FAM209B: variants seen among roughly 807,000 people sequenced by gnomAD.
The protein encoded by FAM209B is family with sequence similarity 209 member B.
A neutral mutation model predicts 8.9 loss-of-function variants in FAM209B; 8 were observed. That is an observed-to-expected ratio of 0.90 (90% confidence interval 0.53 to 1.62). The LOEUF (loss-of-function observed/expected upper bound fraction) is 1.62, where lower values mean the gene tolerates loss of function less well. Among genes scored for constraint, FAM209B ranks in the 40% most tolerant of loss-of-function variants. The pLI, the probability that FAM209B is intolerant of heterozygous loss-of-function variation, is 0.00. For synonymous variants in FAM209B, 67 were observed against 75.0 expected (o/e 0.89, Z 0.55); for missense variants, 175 against 205.3 (o/e 0.85, Z 0.90).
intron 1 of FAM209B, among the ~76,000 whole-genome samples, chr20:56,534,440 C>G (rs143805851): frequency 6.7e-6 from 1 of 150,142 alleles, no homozygotes; most frequent in Non-Finnish European, 1.5e-5. Flanking sequence ...CATGGTGAAA[C>G]CTCGTCTTTA....
rs766839785 is a variant in FAM209B, at chr20:56,533,598, T to A, written c.249+8T>A. 4 of 1,612,846 alleles carry A rather than the reference T, an allele frequency of 2.5e-6. No individual in the cohort carries two copies. The African/African-American group carries it at 5.3e-5, about 22-fold the overall frequency. ...GACAGTGAGAAGAATAAGGTAAGGA[T>A]GGCTCCATTTTTTTTACACCATATT... On this transcript the variant is annotated splice_region_variant and intron_variant, in intron 1 of 1. Coordinates refer to ENST00000371325, the MANE Select transcript of FAM209B (RefSeq NM_001013646.4).
At chr20:56,534,130 T>C (rs556736362) in intron 1 of FAM209B, among the ~76,000 whole-genome samples, 4 of 152,218 alleles carry the variant, frequency 2.6e-5, no homozygotes, top group African/African-American at 9.6e-5. Flanking sequence ...CACTCCTGCA[T>C]GGGCGACTGA....
intron 1 of FAM209B, among the ~76,000 whole-genome samples, chr20:56,535,832 A>C (rs2146404185): frequency 6.6e-6 from 1 of 152,336 alleles, no homozygotes; most frequent in Non-Finnish European, 1.5e-5. Flanking sequence ...TCCTGTGCCC[A>C]AACTGATTAG....
At chr20:56,535,560 C>T (rs1023944111) in intron 1 of FAM209B, among the ~76,000 whole-genome samples, 1 of 152,076 alleles carries the variant, frequency 6.6e-6, no homozygotes, top group Non-Finnish European at 1.5e-5. Flanking sequence ...CACTGCACTC[C>T]AGCCTGGGTG....
intron 1 of FAM209B, among the ~76,000 whole-genome samples, chr20:56,535,523 A>G (rs1985945985): frequency 6.6e-6 from 1 of 152,172 alleles, no homozygotes; most frequent in East Asian, 1.9e-4. Flanking sequence ...CCTGGGAGGC[A>G]GAGGTTGCAG....
intron 1 of FAM209B, among the ~76,000 whole-genome samples, chr20:56,534,259 G>A (rs1486682033): frequency 6.6e-6 from 1 of 152,122 alleles, no homozygotes; most frequent in African/African-American, 2.4e-5. Context: ...TTGACTTACT[G>A]AAAATTCCTG....
chr20:56,535,592 C>CA (rs1467525049), intron 1 of FAM209B, among the ~76,000 whole-genome samples: 98 of 149,174 alleles, frequency 6.6e-4, no homozygotes, highest in African/African-American at 2.1e-3. Flanking sequence ...TTCCGTCTCA[C>CA]AAAAAAAAAG....
chr20:56,535,492 G>A (rs941502393), intron 1 of FAM209B, among the ~76,000 whole-genome samples: 1 of 151,952 alleles, frequency 6.6e-6, no homozygotes, highest in African/African-American at 2.4e-5. Flanking sequence ...TCGGGAGGCT[G>A]AGGCAGGAGA....
At chr20:56,535,787 C>T (rs941533417) in intron 1 of FAM209B, among the ~76,000 whole-genome samples, 3 of 152,106 alleles carry the variant, frequency 2.0e-5, no homozygotes, top group Non-Finnish European at 2.9e-5. Context: ...GGAAAGAAAG[C>T]GTATTCTCCC....
intron 1 of FAM209B, among the ~76,000 whole-genome samples, chr20:56,534,907 G>A (rs543042164): frequency 6.6e-6 from 1 of 151,480 alleles, no homozygotes; most frequent in Non-Finnish European, 1.5e-5. Context: ...TACAAAATTA[G>A]GCGTAGTGGC....
rs200150839 is a variant in FAM209B at position 56,533,451 on chromosome 20, C to A, written c.110C>A (p.Pro37Gln). 8.3e-6 allele frequency: 13 copies of A among 1,574,972 alleles called. 1 individual carries two copies. The highest frequency in any genetic ancestry group is 1.1e-5 in the South Asian group (1 of 89,408). ...QKTSEPQGKV[P>Q]CGEHFRIRQN... ...ACTAGCGAACCCCAGGGGAAGGTGCCGTGTGGAGAGCACTTTCGGATTCGG... is the reference window on the plus strand; with the variant it reads ...ACTAGCGAACCCCAGGGGAAGGTGCAGTGTGGAGAGCACTTTCGGATTCGG... Residue 37 changes from proline to glutamine, a missense_variant, in exon 1 of 2, where the codon CCG (proline) becomes CAG (glutamine). Physicochemically the swap from Pro to Gln is moderately conservative, Grantham distance 76. Transcript: ENST00000371325.
chr20:56,533,434 A>G lies in FAM209B; in HGVS notation c.93A>G (p.Glu31=). The change falls in exon 1 of 2, where the codon GAA becomes GAG. Residue 31 remains glutamate, a synonymous_variant. Coordinates refer to ENST00000371325, the MANE Select transcript of FAM209B (RefSeq NM_001013646.4). Reference sequence around the variant, plus strand: ...CTTCTCTGAGACAGAAAACTAGCGAACCCCAGGGGAAGGTGCCGTGTGGAG... The same window carrying G: ...CTTCTCTGAGACAGAAAACTAGCGAGCCCCAGGGGAAGGTGCCGTGTGGAG... ...MFSSLRQKTS[E]PQGKVPCGEH... 2.5e-6 allele frequency: 4 copies of G among 1,612,826 alleles called. No homozygotes were observed. Among genetic ancestry groups the G allele is most frequent in the South Asian group, 1.1e-5 (1 of 90,992 alleles).
chr20:56,533,714 C>T, intron 1 of FAM209B, 124 bp downstream of exon 1: 3 of 1,316,022 alleles, frequency 2.3e-6, no homozygotes, highest in Non-Finnish European at 3.1e-6. Context: ...TGGTCCTGGG[C>T]AAAGCTGGCA....
In FAM209B at chr20:56,536,267, C is replaced by A; in HGVS notation, c.345C>A (p.Thr115=). The stretch of plus-strand genomic sequence containing the variant: ...TTTACAAAGACTGTGTATTCAATAC[C>A]TTAAACGAACTTGAAGTGGAGCTTT... ...ASLYKDCVFN[T]LNELEVELLK... is the part of the protein sequence containing the mutation. The change falls in exon 2 of 2, where the codon ACC becomes ACA. Residue 115 remains threonine (T), a synonymous_variant. Coordinates refer to ENST00000371325, the MANE Select transcript of FAM209B (RefSeq NM_001013646.4). 1 of 1,612,980 alleles carries A rather than the reference C, an allele frequency of 6.2e-7. No individual in the cohort carries two copies. The highest frequency in any genetic ancestry group is 1.1e-5 in the South Asian group (1 of 90,802).
In FAM209B at chr20:56,536,190, C is replaced by A. The variant is rs567136306; in HGVS notation, c.268C>A (p.Leu90Ile). The part of the protein sequence containing the change: ...EKNKEQSPPG[L>I]RGFPFRTPLK... Reference sequence around the variant, plus strand: ...TTGACAGGAGCAGAGTCCTCCTGGCCTTCGAGGCTTCCCATTTCGCACTCC... The same window carrying A: ...TTGACAGGAGCAGAGTCCTCCTGGCATTCGAGGCTTCCCATTTCGCACTCC... Residue 90 changes from leucine to isoleucine, a missense_variant, in exon 2 of 2, where the codon CTT becomes ATT. Leu to Ile is a conservative substitution (Grantham distance 5). Around this residue, in one of 2 missense-constraint regions of FAM209B, gnomAD observed 166 missense variants for 174.5 expected, o/e 0.95. Transcript: ENST00000371325. The A allele has an allele frequency of 7.7e-6, 12 of 1,555,582 alleles. No homozygotes were observed. The South Asian group carries it at 1.4e-4, about 18-fold the overall frequency.
chr20:56,535,155 G>A (rs1403850540), intron 1 of FAM209B, among the ~76,000 whole-genome samples: 2 of 151,984 alleles, frequency 1.3e-5, no homozygotes, highest in East Asian at 3.9e-4. Context: ...CTGGGAGGCA[G>A]AGGTTGCAGT....
At chr20:56,535,261 G>A (rs1985930908) in intron 1 of FAM209B, among the ~76,000 whole-genome samples, 4 of 151,498 alleles carry the variant, frequency 2.6e-5, no homozygotes, top group Admixed American at 2.6e-4. Context: ...GTGGGCACCT[G>A]TGGTCCCAGC....
At chr20:56,533,700 C>T in intron 1 of FAM209B, 110 bp downstream of exon 1, 3 of 1,471,068 alleles carry the variant, frequency 2.0e-6, no homozygotes, top group Non-Finnish European at 2.8e-6. Flanking sequence ...ATGAACCGAC[C>T]TCATGGTCCT....
rs1050775791 is a variant in FAM209B at position 56,534,392 on chromosome 20, A to G, written c.249+802A>G. Among the ~76,000 whole-genome samples, 9 of 152,102 alleles carry G rather than the reference A, an allele frequency of 5.9e-5. No individual in the cohort carries two copies. In the East Asian group the frequency reaches 1.8e-3, roughly 30 times the overall value. Reference sequence around the variant, plus strand: ...AACTTTGGGAGGCCGAGACGGGCAGATCACTTGAGGTCAGGAGATTGAGAC... The same window carrying G: ...AACTTTGGGAGGCCGAGACGGGCAGGTCACTTGAGGTCAGGAGATTGAGAC... On this transcript the variant is annotated intron_variant, in intron 1 of 1. Transcript: ENST00000371325.
Sources: allele counts gnomAD v4.1 joint callset (sites outside exome capture counted in the v4.1 genomes callset), GRCh38; gene constraint gnomAD v4.1.1; regional missense constraint gnomAD v4.1.1; transcripts MANE v1.5; gene names NCBI Gene and HGNC (gene_info 2026-07-23, HGNC 2026-07-21).